The following ASB4 variants were observed in gnomAD, a reference collection of about 807,000 sequenced individuals.
ASB4 encodes the protein ankyrin repeat and SOCS box containing 4.
In ASB4, 35 loss-of-function variants were observed where a neutral mutation model predicts 38.6. The ratio of observed to expected loss-of-function variants is 0.91; its 90% CI spans 0.69 to 1.20. The LOEUF (loss-of-function observed/expected upper bound fraction) is 1.20. Among genes scored for constraint, ASB4 ranks in the 50% most tolerant of loss-of-function variants. The pLI, the probability that ASB4 is intolerant of heterozygous loss-of-function variation, is 0.00. For missense variants in ASB4, 557 were observed against 527.2 expected, an observed-to-expected ratio of 1.06 and a Z score of -0.55; for synonymous variants, 195 against 201.3, an observed-to-expected ratio of 0.97 and a Z score of 0.26.
At position 95,496,033 on chromosome 7, in the gene ASB4, T is replaced by C. The variant is rs942276713; in HGVS notation, c.463T>C (p.Cys155Arg). The change falls in exon 2 of 5, where the codon TGT becomes CGT. Residue 155 changes from cysteine (C) to arginine (R), a missense_variant. Cys to Arg is a radical substitution (Grantham distance 180). Coordinates refer to ENST00000325885, the MANE Select transcript of ASB4 (RefSeq NM_016116.3). ...HFCTTPSSIL[C>R]AKQLVWRGAN... Reference sequence around the variant, plus strand: ...TTGTACAACTCCAAGTTCCATTCTCTGTGCCAAGCAATTGGTTTGGAGAGG... The same window carrying C: ...TTGTACAACTCCAAGTTCCATTCTCCGTGCCAAGCAATTGGTTTGGAGAGG... 5 of 1,613,190 alleles carry C rather than the reference T, an allele frequency of 3.1e-6. No individual in the cohort carries two copies. Among genetic ancestry groups the C allele is most frequent in the Non-Finnish European group, 4.2e-6 (5 of 1,179,330 alleles).
intron 2 of ASB4, among the ~76,000 whole-genome samples, chr7:95,520,613 C>T (rs147923767): frequency 2.5e-4 from 38 of 151,536 alleles, no homozygotes; most frequent in African/African-American, 9.2e-4. Context: ...TTTAATTTAT[C>T]TGAAATTAAA....
At chr7:95,520,251 G>A (rs1370395157) in intron 2 of ASB4, among the ~76,000 whole-genome samples, 1 of 152,180 alleles carries the variant, frequency 6.6e-6, no homozygotes, top group Non-Finnish European at 1.5e-5. Context: ...GGAAGTTACG[G>A]ACAAAGGGAG....
Position 95,523,796 on chromosome 7 carries a change from T to A in ASB4, c.488-4017T>A, listed in dbSNP as rs142454952. Among the ~76,000 whole-genome samples the A allele has an allele frequency of 2.0e-5, 3 of 152,306 alleles. No homozygotes were observed. In the East Asian group the frequency reaches 5.8e-4, roughly 29 times the overall value. ...TAGGGTAAACTTACTCTAAGGAGTATGTAGTTATTTTAAATTATGTTTAAA... is the reference window on the plus strand; with the variant it reads ...TAGGGTAAACTTACTCTAAGGAGTAAGTAGTTATTTTAAATTATGTTTAAA... On this transcript the variant is annotated intron_variant, in intron 2 of 4. Coordinates refer to ENST00000325885, the MANE Select transcript of ASB4 (RefSeq NM_016116.3).
At chr7:95,541,824 C>A (rs1197798465), downstream of ASB4, among the ~76,000 whole-genome samples, 1 of 152,076 alleles carries the variant, frequency 6.6e-6, no homozygotes, top group Non-Finnish European at 1.5e-5. Flanking sequence ...GCAATGAGAT[C>A]CCTAGCAGGG....
intron 4 of ASB4, among the ~76,000 whole-genome samples, chr7:95,536,859 A>AT (rs751937715): frequency 5.9e-5 from 9 of 152,206 alleles, no homozygotes; most frequent in Non-Finnish European, 1.3e-4. Flanking sequence ...AATTGCTTAT[A>AT]TAGCATTTTT....
Position 95,485,958 on chromosome 7 carries a change from G to A in ASB4, c.-14G>A, listed in dbSNP as rs1458712574. 6.2e-7 allele frequency: 1 copy of A among 1,611,514 alleles called. No homozygotes were observed. Among genetic ancestry groups the A allele is most frequent in the South Asian group, 1.1e-5 (1 of 90,910 alleles). Reference sequence around the variant, plus strand: ...TCGATAAATCACAACAAAGCTTCCAGAGGGAGAGGAAGGATGGACGGCACC... The same window carrying A: ...TCGATAAATCACAACAAAGCTTCCAAAGGGAGAGGAAGGATGGACGGCACC... On this transcript the variant is annotated 5_prime_UTR_variant, in exon 1 of 5. Coordinates refer to ENST00000325885, the MANE Select transcript of ASB4 (RefSeq NM_016116.3).
chr7:95,496,164 A>G, intron 2 of ASB4, 107 bp downstream of exon 2: 1 of 1,058,426 alleles, frequency 9.4e-7, no homozygotes. Flanking sequence ...TAAAGATGCA[A>G]TTATGCCTAG....
intron 3 of ASB4, among the ~76,000 whole-genome samples, chr7:95,531,715 G>T (rs775198339): frequency 6.6e-6 from 1 of 152,112 alleles, no homozygotes; most frequent in Non-Finnish European, 1.5e-5. Context: ...ATGTTGACTT[G>T]TATTCTGAAA....
intron 2 of ASB4, among the ~76,000 whole-genome samples, chr7:95,498,603 C>G (rs1346979996): frequency 6.6e-6 from 1 of 152,142 alleles, no homozygotes; most frequent in Admixed American, 6.5e-5. Context: ...AGTCATTTAT[C>G]AGATACATAG....
intron 1 of ASB4, among the ~76,000 whole-genome samples, chr7:95,492,313 T>A (rs1790183814): frequency 6.6e-6 from 1 of 152,148 alleles, no homozygotes; most frequent in Admixed American, 6.5e-5. Context: ...GGAAAAAAAT[T>A]CAACTAGCAA....
chr7:95,536,561 G>C lies in ASB4; in HGVS notation c.1092+11G>C. ...GATGATGACTTGGAGGTAAATAATC[G>C]ATTCCCTTCTAATAGTTTTCACTAT... On this transcript the variant is annotated intron_variant, in intron 4 of 4. Transcript: ENST00000325885. The C allele has an allele frequency of 8.3e-6, 13 of 1,560,304 alleles. No homozygotes were observed. The highest frequency in any genetic ancestry group is 1.1e-5 in the Non-Finnish European group (12 of 1,132,784).
intron 3 of ASB4, among the ~76,000 whole-genome samples, chr7:95,534,365 C>G (rs1790860036): frequency 6.6e-6 from 1 of 151,832 alleles, no homozygotes; most frequent in African/African-American, 2.4e-5. Flanking sequence ...ATGAACTATC[C>G]TCCTCCTCAT....
Position 95,539,740 on chromosome 7 carries a change from C to G in ASB4, c.*1981C>G, listed in dbSNP as rs1444016055. On this transcript the variant is annotated 3_prime_UTR_variant, in exon 5 of 5. Transcript: ENST00000325885. The stretch of plus-strand genomic sequence containing the variant: ...GACTATGGGGACTTGCAAGGGGAAG[C>G]TTGAGAGTGGGGTGAGGGATAAAAG... 1 of 152,244 alleles carries G rather than the reference C, an allele frequency of 6.6e-6. No individual in the cohort carries two copies. Among genetic ancestry groups the G allele is most frequent in the Non-Finnish European group, 1.5e-5 (1 of 68,122 alleles). The allele number at this position is 152,244 out of a possible 1,614,324, so 9.4% of individuals were successfully genotyped here.
rs759190727 is a variant in ASB4, at chr7:95,537,628, C to T, written c.1150C>T (p.Leu384Phe). The change falls in exon 5 of 5, where the codon CTC becomes TTC. Residue 384 changes from leucine (L) to phenylalanine (F), a missense_variant. Transcript: ENST00000325885. ...TGTGTGCTGTAACTCTCCAAGGACT[C>T]TCATGCACTTATCGAGATGTGCCAT... ...FTVCCNSPRT[L>F]MHLSRCAIRR... 1.2e-5 allele frequency: 20 copies of T among 1,613,726 alleles called. No homozygotes were observed. Among genetic ancestry groups the T allele is most frequent in the Middle Eastern group, 1.6e-4 (1 of 6,082 alleles).
intron 2 of ASB4, among the ~76,000 whole-genome samples, chr7:95,524,601 G>A (rs183399529): frequency 5.9e-5 from 9 of 152,276 alleles, no homozygotes; most frequent in African/African-American, 1.4e-4. Context: ...ACAAAGATAC[G>A]TTCAAGTTCC....
At chr7:95,496,752 G>T (rs1162002748) in intron 2 of ASB4, among the ~76,000 whole-genome samples, 6 of 152,142 alleles carry the variant, frequency 3.9e-5, no homozygotes, top group Non-Finnish European at 5.9e-5. Flanking sequence ...GGAGACTGAG[G>T]TAGGAGGGTC....
rs573015942 is a variant in ASB4, at chr7:95,533,279, G to A, written c.979-3158G>A. 5.6e-4 allele frequency among the ~76,000 whole-genome samples: 86 copies of A among 152,256 alleles called. 1 individual carries two copies. Among genetic ancestry groups the A allele is most frequent in the African/African-American group, 2.0e-3 (83 of 41,548 alleles). On this transcript the variant is annotated intron_variant, in intron 3 of 4. Coordinates refer to ENST00000325885, the MANE Select transcript of ASB4 (RefSeq NM_016116.3). ...ACATATGTAATCTATTTTATCAGTA[G>A]TAAAGATGATATTCTGATCTCTGAT...
At chr7:95,541,883 T>C (rs1790974912), downstream of ASB4, among the ~76,000 whole-genome samples, 1 of 152,146 alleles carries the variant, frequency 6.6e-6, no homozygotes, top group Non-Finnish European at 1.5e-5. Flanking sequence ...AATAATTTCA[T>C]TCATTTATTT....
chr7:95,528,122 T>C lies in ASB4; in HGVS notation c.797T>C (p.Val266Ala). 1.9e-6 allele frequency: 3 copies of C among 1,614,222 alleles called. No individual in the cohort carries two copies. The highest frequency in any genetic ancestry group is 2.5e-6 in the Non-Finnish European group (3 of 1,180,052). The change falls in exon 3 of 5, where the codon GTG (valine) becomes GCG (alanine). Residue 266 changes from valine to alanine, a missense_variant. Transcript: ENST00000325885. ...AAGGCAGCCTGGAACTGTGACCACG[T>C]GCTCATGCACATGATGCTGGAAGCT... is the stretch of plus-strand genomic sequence containing the variant. ...LHKAAWNCDHVLMHMMLEAGA... is the reference protein window; with the variant it reads ...LHKAAWNCDHALMHMMLEAGA...
Sources: gnomAD v4.1 joint callset for allele counts (sites outside exome capture counted in the v4.1 genomes callset) on GRCh38, gnomAD v4.1.1 for gene constraint, MANE v1.5 for transcripts, NCBI Gene and HGNC (gene_info 2026-07-23, HGNC 2026-07-21) for gene names.